Variants in UBE2D4 observed in about 807,000 individuals in gnomAD.
UBE2D4 encodes ubiquitin-conjugating enzyme E2 D4.
UBE2D4 carries 17 observed loss-of-function variants against 23.0 expected under a neutral mutation model. The observed-to-expected ratio is 0.74, with a 90% CI of 0.51 to 1.11. The LOEUF (loss-of-function observed/expected upper bound fraction) is 1.11. Ranked by LOEUF, UBE2D4 falls within the 50% of genes least tolerant of loss-of-function variation. The probability of loss-of-function intolerance (pLI) is 0.00; values close to 1 mark genes in which losing one functional copy is unlikely to be tolerated. For synonymous variants in UBE2D4, 61 were observed against 69.4 expected (o/e 0.88, Z 0.60); for missense variants, 139 against 181.8 (o/e 0.76, Z 1.35).
chr7:43,943,015 C>G lies in UBE2D4; in HGVS notation c.182C>G (p.Pro61Arg). Residue 61 changes from proline to arginine, a missense_variant, in exon 4 of 7, where the codon CCG becomes CGG. By Grantham distance (103) the Pro-to-Arg change is moderately radical (BLOSUM62 -2). Coordinates refer to ENST00000222402, the MANE Select transcript of UBE2D4 (RefSeq NM_015983.4). ...FLTIHFPTDY[P>R]FKPPKVAFTT... ...ACCATCCACTTTCCTACAGATTACC[C>G]GTTCAAGCCCCCAAAGGTGAGGTCC... The G allele has an allele frequency of 1.2e-6, 2 of 1,614,144 alleles. No homozygotes were observed. The highest frequency in any genetic ancestry group is 1.7e-6 in the Non-Finnish European group (2 of 1,180,030).
At chr7:43,952,486 G>A in intron 6 of UBE2D4, 164 bp from the exon 7 acceptor site, 1 of 662,262 alleles carries the variant, frequency 1.5e-6, no homozygotes, top group Non-Finnish European at 2.7e-6. Flanking sequence ...TGTCTGATGT[G>A]CTCCTGCTCC....
At chr7:43,947,230 G>C (rs2095989976) in intron 4 of UBE2D4, 1 of 151,988 alleles carries the variant, frequency 6.6e-6, no homozygotes, top group South Asian at 2.1e-4. Context: ...CACCTCCCAG[G>C]TTCAAGCAAT....
At chr7:43,946,426 C>T (rs532016140) in intron 4 of UBE2D4, 19 of 152,296 alleles carry the variant, frequency 1.2e-4, no homozygotes, top group African/African-American at 3.6e-4. Context: ...CTGGCCCCCC[C>T]GCCTTTTTTT....
chr7:43,938,752 C>T (rs1267360570), intron 2 of UBE2D4, among the ~76,000 whole-genome samples: 2 of 152,234 alleles, frequency 1.3e-5, no homozygotes, highest in Non-Finnish European at 2.9e-5. Context: ...AGGAGAATCG[C>T]TTGAACCCAG....
At chr7:43,932,009 G>A (rs1307795747) in intron 1 of UBE2D4, among the ~76,000 whole-genome samples, 1 of 136,378 alleles carries the variant, frequency 7.3e-6, no homozygotes, top group Admixed American at 7.6e-5. Context: ...TTTTTTTTGA[G>A]ACAGAGTCTT....
intron 4 of UBE2D4, 106 bp from the exon 5 acceptor site, chr7:43,948,526 G>A: frequency 1.4e-6 from 1 of 727,884 alleles, no homozygotes; most frequent in Non-Finnish European, 2.4e-6. Context: ...GGCCAGGTAT[G>A]CAGCACACTC....
chr7:43,950,107 C>T (rs945186140), intron 5 of UBE2D4, among the ~76,000 whole-genome samples: 6 of 152,096 alleles, frequency 3.9e-5, no homozygotes, highest in African/African-American at 9.7e-5. Context: ...CTGCCTGCCT[C>T]GGCCTCCCAA....
intron 2 of UBE2D4, chr7:43,941,651 C>T (rs1393802171): frequency 6.6e-6 from 1 of 152,168 alleles, no homozygotes; most frequent in Non-Finnish European, 1.5e-5. Flanking sequence ...GAGGGCTTCA[C>T]AATGAATCAG....
In UBE2D4 at chr7:43,931,954, C is replaced by A. The variant is rs546926416; in HGVS notation, c.24+5398C>A. Reference sequence around the variant, plus strand: ...CCACCCACTTGGGCCTCCCAAAGTGCTGGGATTACAGGCATGAGCCACTGT... The same window carrying A: ...CCACCCACTTGGGCCTCCCAAAGTGATGGGATTACAGGCATGAGCCACTGT... On this transcript the variant is annotated intron_variant, in intron 1 of 6. Coordinates refer to ENST00000222402, the MANE Select transcript of UBE2D4 (RefSeq NM_015983.4). 7.9e-5 allele frequency among the ~76,000 whole-genome samples: 12 copies of A among 151,704 alleles called. 1 individual carries two copies. Among genetic ancestry groups the A allele is most frequent in the Middle Eastern group, 3.4e-3 (1 of 292 alleles).
At position 43,926,441 on chromosome 7, in the gene UBE2D4, T is replaced by A; in HGVS notation, c.-92T>A. 1 of 1,178,116 alleles carries A rather than the reference T, an allele frequency of 8.5e-7. No individual in the cohort carries two copies. The highest frequency in any genetic ancestry group is 1.1e-6 in the Non-Finnish European group (1 of 915,286). The allele number at this position is 1,178,116 out of a possible 1,614,324, so 73.0% of individuals were successfully genotyped here. On this transcript the variant is annotated 5_prime_UTR_variant, in exon 1 of 7. Transcript: ENST00000222402. ...CGCGCGCGCAAGCGCAGGCTGCGGC[T>A]CCCGGCGTGCAGCTTGGTGGCGGCT...
At position 43,955,746 on chromosome 7, in the gene UBE2D4, C is replaced by T. The variant is rs1464809017; in HGVS notation, c.*3051C>T. 6.6e-6 allele frequency: 1 copy of T among 152,244 alleles called. No homozygotes were observed. 9.4% of individuals were successfully genotyped at this position (152,244 alleles called of 1,614,324 possible). On this transcript the variant is annotated 3_prime_UTR_variant, in exon 7 of 7. Transcript: ENST00000222402. ...GATTAGCATAGAGCCACTCATCTCT[C>T]CTCCCCTCCCCACCCCTTCTTCCCC...
chr7:43,932,938 GA>G (rs2095949161), intron 1 of UBE2D4, among the ~76,000 whole-genome samples: 1 of 144,906 alleles, frequency 6.9e-6, no homozygotes, highest in South Asian at 2.1e-4. Context: ...TTTCTTGCTG[GA>G]ATGTGTGCCA....
chr7:43,935,166 C>A (rs956898385), intron 1 of UBE2D4, among the ~76,000 whole-genome samples: 13 of 152,176 alleles, frequency 8.5e-5, no homozygotes, highest in African/African-American at 3.1e-4. Context: ...TCACAACAAC[C>A]CTGTGAGGTA....
chr7:43,927,352 G>A (rs1319315592), intron 1 of UBE2D4, among the ~76,000 whole-genome samples: 2 of 139,802 alleles, frequency 1.4e-5, no homozygotes, highest in African/African-American at 2.7e-5. Flanking sequence ...CTGGAGTATC[G>A]CCCAGGCTGG....
At chr7:43,943,206 G>C (rs566400994) in intron 4 of UBE2D4, 175 bp downstream of exon 4, 3 of 660,180 alleles carry the variant, frequency 4.5e-6, no homozygotes, top group Admixed American at 5.2e-5. Flanking sequence ...TTGGGAATTA[G>C]CACCTGTTGT....
intron 2 of UBE2D4, among the ~76,000 whole-genome samples, chr7:43,939,510 C>A (rs1252479444): frequency 6.6e-6 from 1 of 152,218 alleles, no homozygotes; most frequent in African/African-American, 2.4e-5. Context: ...GCTTCAGTAA[C>A]TGCAGCCATA....
chr7:43,936,551 T>C (rs1220379088), intron 1 of UBE2D4, among the ~76,000 whole-genome samples: 21 of 152,180 alleles, frequency 1.4e-4, no homozygotes, highest in Admixed American at 1.4e-3. Flanking sequence ...GCACAGGATA[T>C]ACAGGGAAAA....
At chr7:43,928,098 A>C in intron 1 of UBE2D4, 1 of 452,738 alleles carries the variant, frequency 2.2e-6, no homozygotes, top group South Asian at 1.6e-5. Context: ...AAGGAGAAGC[A>C]GGCGTGTCAC....
chr7:43,941,260 G>A (rs1209016469), intron 2 of UBE2D4: 2 of 152,234 alleles, frequency 1.3e-5, no homozygotes, highest in Non-Finnish European at 1.5e-5. Context: ...TCCTGTGGGT[G>A]AGTAGGCATT....
Sources: gnomAD v4.1 joint callset for allele counts (sites outside exome capture counted in the v4.1 genomes callset) on GRCh38, gnomAD v4.1.1 for gene constraint, MANE v1.5 for transcripts, NCBI Gene and HGNC (gene_info 2026-07-23, HGNC 2026-07-21) for gene names.